KIF21A: variants seen among roughly 807,000 people sequenced by gnomAD.
KIF21A encodes kinesin-like protein KIF21A.
Under a neutral mutation model 202.9 loss-of-function variants are expected in KIF21A, and 114 were observed. The ratio of observed to expected loss-of-function variants is 0.56; its 90% CI spans 0.48 to 0.66. The LOEUF (loss-of-function observed/expected upper bound fraction) is 0.66, where lower values mean the gene tolerates loss of function less well. Among genes scored for constraint, KIF21A ranks in the 30% least tolerant of loss-of-function variants. The pLI, the probability that KIF21A is intolerant of heterozygous loss-of-function variation, is 0.00. For synonymous variants in KIF21A, 667 were observed against 670.8 expected (o/e 0.99, Z 0.09); for missense variants, 1,677 against 1,994.9 (o/e 0.84, Z 3.04).
In KIF21A at chr12:39,332,197, T is replaced by TG; in HGVS notation, c.3051+16_3051+17insC. ...TACTTTTCATTAAACCATTACGCTT[T>TG]TTTAAAAATTACAAACCTTTGCTTC... On this transcript the variant is annotated intron_variant, in intron 21 of 37. Transcript: ENST00000361418. The TG allele has an allele frequency of 6.2e-7, 1 of 1,610,368 alleles. No homozygotes were observed. Among genetic ancestry groups the TG allele is most frequent in the East Asian group, 2.2e-5 (1 of 44,830 alleles).
intron 30 of KIF21A, 192 bp downstream of exon 30, chr12:39,315,740 A>C (rs571118649): frequency 1.9e-4 from 124 of 646,212 alleles, no homozygotes; most frequent in East Asian, 1.2e-3. Context: ...TACAAAAAAA[A>C]CCACTACTTT....
In KIF21A at chr12:39,371,537, T is replaced by C. The variant is rs188668386; in HGVS notation, c.45-1276A>G. Among the ~76,000 whole-genome samples the C allele has an allele frequency of 2.2e-3, 328 of 152,292 alleles. 4 individuals are homozygous for C. Among genetic ancestry groups the C allele is most frequent in the African/African-American group, 7.6e-3 (315 of 41,556 alleles). The stretch of plus-strand genomic sequence containing the variant: ...GCTCTATAAACAGGACAGACTATTC[T>C]GGAATATAAACCACTCACTTACTGT... On this transcript the variant is annotated intron_variant, in intron 1 of 37. Transcript: ENST00000361418.
chr12:39,342,877 A>T (rs977927569), intron 12 of KIF21A, among the ~76,000 whole-genome samples: 5 of 152,192 alleles, frequency 3.3e-5, no homozygotes, highest in Admixed American at 2.6e-4. Flanking sequence ...CATACCAGGG[A>T]ATGATTATAG....
intron 1 of KIF21A, among the ~76,000 whole-genome samples, chr12:39,373,704 A>G (rs954148164): frequency 2.0e-5 from 3 of 152,194 alleles, no homozygotes; most frequent in African/African-American, 2.4e-5. Context: ...TTTCAACATA[A>G]CAAAGAAAAA....
chr12:39,378,562 C>T (rs1218112025), intron 1 of KIF21A, among the ~76,000 whole-genome samples: 1 of 152,184 alleles, frequency 6.6e-6, no homozygotes, highest in Non-Finnish European at 1.5e-5. Flanking sequence ...CAGGAACCAT[C>T]TGCCTATTTT....
At chr12:39,385,520 T>C (rs1950886783) in intron 1 of KIF21A, among the ~76,000 whole-genome samples, 1 of 152,186 alleles carries the variant, frequency 6.6e-6, no homozygotes, top group Non-Finnish European at 1.5e-5. Flanking sequence ...AGTTTATATG[T>C]GGTAAAATTA....
At chr12:39,395,617 G>A (rs1354427104) in intron 1 of KIF21A, among the ~76,000 whole-genome samples, 1 of 151,850 alleles carries the variant, frequency 6.6e-6, no homozygotes, top group Non-Finnish European at 1.5e-5. Context: ...TGAGGCGGGC[G>A]GGTCTCCTGA....
rs181924190 is a variant in KIF21A, at chr12:39,343,963, A to C, written c.1713-1839T>G. 1.1e-4 allele frequency among the ~76,000 whole-genome samples: 17 copies of C among 152,340 alleles called. No homozygotes were observed. The East Asian group carries it at 3.3e-3, about 29-fold the overall frequency. On this transcript the variant is annotated intron_variant, in intron 12 of 37. Transcript: ENST00000361418. ...CAGAATGGTACAGTTTCAAAGATGC[A>C]TAAAGATGCATGAGAGACAGCATAT...
chr12:39,333,316 G>A (rs370931586), intron 17 of KIF21A, 36 bp from the exon 18 acceptor site: 70 of 1,357,674 alleles, frequency 5.2e-5, no homozygotes, highest in Non-Finnish European at 7.2e-5. Flanking sequence ...AAATAGTAAA[G>A]TGAAAGATAC....
chr12:39,373,359 C>T (rs913803417), intron 1 of KIF21A, among the ~76,000 whole-genome samples: 2 of 152,108 alleles, frequency 1.3e-5, no homozygotes, highest in African/African-American at 2.4e-5. Flanking sequence ...CTCCTTTACC[C>T]GCCTGAATAT....
At chr12:39,329,777 C>T (rs1946344791) in intron 24 of KIF21A, among the ~76,000 whole-genome samples, 1 of 151,696 alleles carries the variant, frequency 6.6e-6, no homozygotes, top group African/African-American at 2.4e-5. Context: ...GTTCAGTTTA[C>T]AATATTTAAA....
intron 1 of KIF21A, among the ~76,000 whole-genome samples, chr12:39,420,328 A>T (rs1168518839): frequency 6.6e-6 from 1 of 152,128 alleles, no homozygotes; most frequent in Non-Finnish European, 1.5e-5. Flanking sequence ...GGGATTCCCA[A>T]GAGGTCAGAC....
chr12:39,407,059 G>T (rs1247262890), intron 1 of KIF21A, among the ~76,000 whole-genome samples: 1 of 152,108 alleles, frequency 6.6e-6, no homozygotes, highest in Non-Finnish European at 1.5e-5. Context: ...TCCACTTGTG[G>T]ACTGCATTCC....
At chr12:39,356,807 A>C (rs1354669988) in intron 10 of KIF21A, 25 bp downstream of exon 10, 1 of 985,236 alleles carries the variant, frequency 1.0e-6, no homozygotes, top group African/African-American at 1.6e-5. Context: ...CATGTGCATT[A>C]TATGTTACAG....
intron 6 of KIF21A, among the ~76,000 whole-genome samples, chr12:39,363,885 G>T (rs896618894): frequency 5.3e-5 from 8 of 152,200 alleles, no homozygotes; most frequent in Non-Finnish European, 7.3e-5. Context: ...AAGCGTGGTG[G>T]TGTGTGCCTG....
intron 27 of KIF21A, among the ~76,000 whole-genome samples, chr12:39,320,237 T>C (rs770720084): frequency 3.9e-5 from 6 of 152,298 alleles, no homozygotes; most frequent in South Asian, 2.1e-4. Context: ...TTATTAAATA[T>C]GTAACAACTT....
At chr12:39,320,659 G>A (rs189738404) in intron 27 of KIF21A, among the ~76,000 whole-genome samples, 2 of 150,912 alleles carry the variant, frequency 1.3e-5, no homozygotes, top group Non-Finnish European at 3.0e-5. Flanking sequence ...TCTGGGCCAG[G>A]CATGGTGGCT....
intron 11 of KIF21A, among the ~76,000 whole-genome samples, chr12:39,349,909 G>A (rs1421507344): frequency 1.3e-5 from 2 of 151,882 alleles, no homozygotes. Flanking sequence ...TTATATAGGT[G>A]TCAGTTTTAC....
At chr12:39,439,888 C>T (rs925588640) in intron 1 of KIF21A, among the ~76,000 whole-genome samples, 3 of 152,132 alleles carry the variant, frequency 2.0e-5, no homozygotes, top group Middle Eastern at 3.2e-3. Context: ...GAGAAATCTA[C>T]AATAGAGTCA....
Sources: gnomAD v4.1 joint callset for allele counts (sites outside exome capture counted in the v4.1 genomes callset) on GRCh38, gnomAD v4.1.1 for gene constraint, MANE v1.5 for transcripts, NCBI Gene and HGNC (gene_info 2026-07-23, HGNC 2026-07-21) for gene names.